Variants in RBMS3 observed in about 807,000 individuals in gnomAD.
The protein encoded by RBMS3 is RNA binding motif single stranded interacting protein 3.
In RBMS3, 27 loss-of-function variants were observed where a neutral mutation model predicts 66.8. The ratio of observed to expected loss-of-function variants is 0.40; its 90% CI spans 0.30 to 0.56. The LOEUF is 0.56. Among genes scored for constraint, RBMS3 ranks in the 20% least tolerant of loss-of-function variants. RBMS3 has a pLI of 0.40. For missense variants in RBMS3, 513 were observed against 549.5 expected, an observed-to-expected ratio of 0.93 and a Z score of 0.66; for synonymous variants, 188 against 183.0, an observed-to-expected ratio of 1.03 and a Z score of -0.22.
intron 4 of RBMS3, among the ~76,000 whole-genome samples, chr3:29,717,672 T>G (rs1350319963): frequency 6.6e-6 from 1 of 152,140 alleles, no homozygotes; most frequent in Non-Finnish European, 1.5e-5. Context: ...TCCATTAGAA[T>G]TGTGCAGAAA....
At chr3:29,477,472 CAA>C (rs2042985807) in intron 2 of RBMS3, among the ~76,000 whole-genome samples, 1 of 151,982 alleles carries the variant, frequency 6.6e-6, no homozygotes, top group Non-Finnish European at 1.5e-5. Context: ...AACAAACAAA[CAA>C]ACAAACAAAA....
At chr3:29,420,041 C>T (rs1478366006) in intron 1 of RBMS3, among the ~76,000 whole-genome samples, 1 of 152,102 alleles carries the variant, frequency 6.6e-6, no homozygotes, top group Non-Finnish European at 1.5e-5. Flanking sequence ...ATGGTCTGCC[C>T]TCTGAGAGCT....
At chr3:29,818,823 A>G (rs904162275) in intron 6 of RBMS3, among the ~76,000 whole-genome samples, 2 of 152,184 alleles carry the variant, frequency 1.3e-5, no homozygotes, top group Non-Finnish European at 2.9e-5. Context: ...GAATAAGCAT[A>G]AATTAGTTAT....
intron 6 of RBMS3, among the ~76,000 whole-genome samples, chr3:29,788,560 A>G (rs2056903126): frequency 6.6e-6 from 1 of 152,162 alleles, no homozygotes; most frequent in Admixed American, 6.6e-5. Flanking sequence ...AAAAGCTGTC[A>G]CATTACTTTT....
chr3:29,739,689 C>T (rs779492070), intron 4 of RBMS3, 31 bp from the exon 5 acceptor site: 1 of 1,543,784 alleles, frequency 6.5e-7, no homozygotes, highest in Non-Finnish European at 8.7e-7. Context: ...ATACTCAGAA[C>T]TTACCATATT....
intron 6 of RBMS3, among the ~76,000 whole-genome samples, chr3:29,821,674 A>T (rs779723200): frequency 6.6e-6 from 1 of 152,208 alleles, no homozygotes; most frequent in Non-Finnish European, 1.5e-5. Flanking sequence ...TTCTCTGGAA[A>T]GTACAACGAA....
chr3:29,298,135 A>AT lies in RBMS3; in HGVS notation c.75+16380dup, dbSNP rs771837319. On this transcript the variant is annotated intron_variant, in intron 1 of 14. Transcript: ENST00000383767. ...ATCTCAAAGGTCTTCAAGCTATGTG[A>AT]TCCCCACCCCCTGCATGTGGTAGGT... Among the ~76,000 whole-genome samples, 8 of 151,846 alleles carry AT rather than the reference A, an allele frequency of 5.3e-5. No individual in the cohort carries two copies. In the East Asian group the frequency reaches 9.7e-4, roughly 18 times the overall value.
intron 13 of RBMS3, among the ~76,000 whole-genome samples, chr3:29,989,757 C>A (rs1458054889): frequency 6.6e-6 from 1 of 152,072 alleles, no homozygotes; most frequent in Non-Finnish European, 1.5e-5. Context: ...TTTTAATTGT[C>A]TTTTCAGAAT....
At chr3:29,824,034 G>A (rs1344963241) in intron 6 of RBMS3, among the ~76,000 whole-genome samples, 1 of 151,782 alleles carries the variant, frequency 6.6e-6, no homozygotes, top group Non-Finnish European at 1.5e-5. Flanking sequence ...TTACTTTTTA[G>A]GTGCCTCCAT....
At chr3:29,502,369 G>C (rs1345010279) in intron 3 of RBMS3, among the ~76,000 whole-genome samples, 1 of 151,992 alleles carries the variant, frequency 6.6e-6, no homozygotes. Context: ...TCTCTCCACT[G>C]TTTCACTCTT....
chr3:29,623,123 C>T (rs1439391304), intron 4 of RBMS3, among the ~76,000 whole-genome samples: 1 of 138,244 alleles, frequency 7.2e-6, no homozygotes, highest in Non-Finnish European at 1.5e-5. Context: ...AAAAAGGAGT[C>T]CCTATTTCAT....
At chr3:29,310,045 G>A (rs1221702581) in intron 1 of RBMS3, among the ~76,000 whole-genome samples, 1 of 151,660 alleles carries the variant, frequency 6.6e-6, no homozygotes, top group African/African-American at 2.4e-5. Flanking sequence ...TGAAGAATAG[G>A]AGATGTGAGA....
intron 4 of RBMS3, among the ~76,000 whole-genome samples, chr3:29,664,787 G>A (rs1386760466): frequency 6.6e-6 from 1 of 152,090 alleles, no homozygotes; most frequent in African/African-American, 2.4e-5. Flanking sequence ...TATTCTATAT[G>A]TGGGTTGAAG....
chr3:29,560,935 A>G lies in RBMS3; in HGVS notation c.308-26179A>G, dbSNP rs186980237. Among the ~76,000 whole-genome samples the G allele has an allele frequency of 5.3e-5, 8 of 152,264 alleles. No homozygotes were observed. In the East Asian group the frequency reaches 1.2e-3, roughly 22 times the overall value. On this transcript the variant is annotated intron_variant, in intron 3 of 14. Coordinates refer to ENST00000383767, the MANE Select transcript of RBMS3 (RefSeq NM_001003793.3). ...GTCCCAGTGTGTGTTGTTACCACCT[A>G]TGTGTCCATGCGTTCTCATCATTTA...
At chr3:29,690,388 T>C (rs556360422) in intron 4 of RBMS3, among the ~76,000 whole-genome samples, 22 of 152,302 alleles carry the variant, frequency 1.4e-4, no homozygotes, top group African/African-American at 4.6e-4. Flanking sequence ...AGTTTGAGGC[T>C]TCAGTGAGCT....
chr3:29,924,433 G>A (rs907860203), intron 10 of RBMS3, among the ~76,000 whole-genome samples: 1 of 151,658 alleles, frequency 6.6e-6, no homozygotes, highest in Non-Finnish European at 1.5e-5. Context: ...GATTCACACT[G>A]GGGGAAACTA....
At chr3:29,829,363 C>G (rs2058301898) in intron 6 of RBMS3, among the ~76,000 whole-genome samples, 1 of 152,126 alleles carries the variant, frequency 6.6e-6, no homozygotes, top group South Asian at 2.1e-4. Context: ...GTTTCTTAGT[C>G]TACAATGTTC....
intron 3 of RBMS3, among the ~76,000 whole-genome samples, chr3:29,494,819 C>T (rs939980847): frequency 3.9e-5 from 6 of 152,104 alleles, no homozygotes; most frequent in East Asian, 3.8e-4. Flanking sequence ...ATCATATTTC[C>T]GACAGGCTAT....
intron 1 of RBMS3, among the ~76,000 whole-genome samples, chr3:29,320,594 A>C (rs567715572): frequency 7.0e-4 from 106 of 152,208 alleles, no homozygotes; most frequent in African/African-American, 2.5e-3. Flanking sequence ...TCACTTACAG[A>C]GGAATATTTT....
Sources: gnomAD v4.1 joint callset for allele counts (sites outside exome capture counted in the v4.1 genomes callset) on GRCh38, gnomAD v4.1.1 for gene constraint, MANE v1.5 for transcripts, NCBI Gene and HGNC (gene_info 2026-07-23, HGNC 2026-07-21) for gene names.